The following LITAF variants were observed in gnomAD, a reference collection of about 807,000 sequenced individuals.
LITAF encodes the protein lipopolysaccharide-induced tumor necrosis factor-alpha factor.
Under a neutral mutation model 14.5 loss-of-function variants are expected in LITAF, and 9 were observed. The ratio of observed to expected loss-of-function variants is 0.62; its 90% CI spans 0.37 to 1.08. The LOEUF is 1.08. Ranked by LOEUF, LITAF falls within the 50% of genes least tolerant of loss-of-function variation. LITAF has a pLI of 0.01. For synonymous variants in LITAF, 98 were observed against 88.2 expected, an observed-to-expected ratio of 1.11 and a Z score of -0.62; for missense variants, 206 against 213.4, an observed-to-expected ratio of 0.97 and a Z score of 0.22.
chr16:11,577,195 A>T (rs1159248164), intron 1 of LITAF, among the ~76,000 whole-genome samples: 1 of 152,144 alleles, frequency 6.6e-6, no homozygotes, highest in East Asian at 1.9e-4. Context: ...TTTCCCCACG[A>T]GGGCTTGAGA....
chr16:11,625,245 C>A (rs555068560), intron 3 of LITAF, among the ~76,000 whole-genome samples: 1 of 150,016 alleles, frequency 6.7e-6, no homozygotes, highest in Non-Finnish European at 1.5e-5. Context: ...TGGTGTCTCC[C>A]GAGATCACCT....
intron 3 of LITAF, chr16:11,551,674 A>G: frequency 1.6e-6 from 1 of 627,214 alleles, no homozygotes; most frequent in Non-Finnish European, 2.8e-6. Flanking sequence ...CAAAAAAAAA[A>G]TTTAAAAATT....
At chr16:11,571,693 C>T (rs1336647000) in intron 1 of LITAF, among the ~76,000 whole-genome samples, 1 of 152,182 alleles carries the variant, frequency 6.6e-6, no homozygotes, top group African/African-American at 2.4e-5. Context: ...TGAATGTGGC[C>T]ATCTCTAGGT....
At chr16:11,562,839 A>G (rs1008838153) in intron 1 of LITAF, among the ~76,000 whole-genome samples, 3 of 152,000 alleles carry the variant, frequency 2.0e-5, no homozygotes, top group African/African-American at 4.8e-5. Context: ...TGAGACTGCA[A>G]TAAGCTAGGA....
At chr16:11,639,769 C>T (rs1027257887), upstream of LITAF, among the ~76,000 whole-genome samples, 3 of 151,998 alleles carry the variant, frequency 2.0e-5, no homozygotes, top group South Asian at 2.1e-4. Context: ...CCGAGGAGGG[C>T]GGATCACTTG....
chr16:11,572,367 GTCC>G (rs1177465149), intron 1 of LITAF, among the ~76,000 whole-genome samples: 1 of 151,998 alleles, frequency 6.6e-6, no homozygotes, highest in Non-Finnish European at 1.5e-5. Context: ...TGATGCTCCA[GTCC>G]TCCTCAAAAG....
intron 1 of LITAF, among the ~76,000 whole-genome samples, chr16:11,581,965 T>C (rs770616993): frequency 6.6e-6 from 1 of 152,156 alleles, no homozygotes; most frequent in African/African-American, 2.4e-5. Context: ...AGAGAGAGGT[T>C]GGTTGATAGG....
At chr16:11,573,457 T>A (rs2064578029) in intron 1 of LITAF, among the ~76,000 whole-genome samples, 1 of 152,154 alleles carries the variant, frequency 6.6e-6, no homozygotes, top group East Asian at 1.9e-4. Context: ...CACATGTGGC[T>A]GAAATGACAA....
At position 11,558,549 on chromosome 16, in the gene LITAF, A is replaced by C. The variant is rs1308260524; in HGVS notation, c.-5-1814T>G. Among the ~76,000 whole-genome samples, 1 of 151,958 alleles carries C rather than the reference A, an allele frequency of 6.6e-6. No individual in the cohort carries two copies. The highest frequency in any genetic ancestry group is 1.5e-5 in the Non-Finnish European group (1 of 67,980). On this transcript the variant is annotated intron_variant, in intron 1 of 3. Coordinates refer to ENST00000622633, the MANE Select transcript of LITAF (RefSeq NM_001136472.2). The surrounding 1 kb of genome is among the most constrained non-coding windows in gnomAD (Gnocchi z 4.1). ...ATAGTGAGACCCTGTCTCTACAACG[A>C]ATAAAAAAAGTAGCCAGGTGTAGTG...
At chr16:11,572,437 C>T (rs1246057522) in intron 1 of LITAF, among the ~76,000 whole-genome samples, 3 of 152,034 alleles carry the variant, frequency 2.0e-5, no homozygotes, top group Non-Finnish European at 4.4e-5. Flanking sequence ...ATATCGTCAG[C>T]GAGAAGTCAC....
At chr16:11,560,405 G>T (rs2064343128) in intron 1 of LITAF, among the ~76,000 whole-genome samples, 1 of 151,544 alleles carries the variant, frequency 6.6e-6, no homozygotes, top group Non-Finnish European at 1.5e-5. Context: ...GAGGTAAGGA[G>T]TTCGAGACCA....
At chr16:11,556,763 A>T in intron 1 of LITAF, 28 bp from the exon 2 acceptor site, 1 of 1,577,468 alleles carries the variant, frequency 6.3e-7, no homozygotes, top group Non-Finnish European at 8.7e-7. Flanking sequence ...CATACCAGAT[A>T]AGAAATTCAG....
At chr16:11,555,861 G>C (rs1047243607) in intron 2 of LITAF, among the ~76,000 whole-genome samples, 4 of 152,006 alleles carry the variant, frequency 2.6e-5, no homozygotes, top group African/African-American at 9.7e-5. Flanking sequence ...TTATAAATAG[G>C]TACTTGATGA....
At chr16:11,638,942 C>T (rs182048914), upstream of LITAF, among the ~76,000 whole-genome samples, 25 of 151,214 alleles carry the variant, frequency 1.7e-4, no homozygotes, top group East Asian at 1.2e-3. Flanking sequence ...GTTATTTAAA[C>T]GCGTAACAAA....
upstream of LITAF, among the ~76,000 whole-genome samples, chr16:11,599,018 C>G (rs1320582240): frequency 6.6e-6 from 1 of 151,908 alleles, no homozygotes; most frequent in Non-Finnish European, 1.5e-5. Flanking sequence ...TGGGTTTTCA[C>G]CATGTTGGCC....
At chr16:11,564,762 G>C (rs1363654385) in intron 1 of LITAF, among the ~76,000 whole-genome samples, 1 of 152,102 alleles carries the variant, frequency 6.6e-6, no homozygotes, top group African/African-American at 2.4e-5. Flanking sequence ...CCGGCTCCAC[G>C]ACAGCCCTGG....
At chr16:11,596,175 C>T (rs1206991078) in intron 1 of LITAF, among the ~76,000 whole-genome samples, 2 of 152,092 alleles carry the variant, frequency 1.3e-5, no homozygotes, top group Admixed American at 6.5e-5. Context: ...ACTGGCTAGG[C>T]CTCAGTCTTC....
chr16:11,620,368 C>T (rs1184301545), intron 3 of LITAF, among the ~76,000 whole-genome samples: 4 of 152,006 alleles, frequency 2.6e-5, no homozygotes, highest in Admixed American at 6.6e-5. Flanking sequence ...CTCCTCCCAA[C>T]ACTATCTCTT....
chr16:11,606,705 G>A (rs376459659), intron 3 of LITAF, among the ~76,000 whole-genome samples: 5 of 151,982 alleles, frequency 3.3e-5, no homozygotes, highest in African/African-American at 9.7e-5. Context: ...CACGATCTCG[G>A]CTCACTGCAA....
Sources: allele counts gnomAD v4.1 joint callset (sites outside exome capture counted in the v4.1 genomes callset), GRCh38; gene constraint gnomAD v4.1.1; non-coding constraint Gnocchi (gnomAD v3.1); transcripts MANE v1.5; gene names NCBI Gene and HGNC (gene_info 2026-07-23, HGNC 2026-07-21).